OSBP2: variants seen among roughly 807,000 people sequenced by gnomAD.
OSBP2 encodes oxysterol-binding protein 2.
Under a neutral mutation model 96.0 loss-of-function variants are expected in OSBP2, and 66 were observed. The observed-to-expected ratio is 0.69, with a 90% CI of 0.56 to 0.84. OSBP2 has a LOEUF of 0.84. Among genes scored for constraint, OSBP2 ranks in the 40% least tolerant of loss-of-function variants. OSBP2 has a pLI of 0.00. For synonymous variants in OSBP2, 525 were observed against 520.9 expected, an observed-to-expected ratio of 1.01 and a Z score of -0.11; for missense variants, 1,038 against 1,222.7, an observed-to-expected ratio of 0.85 and a Z score of 2.25.
At chr22:30,883,809 C>T (rs1315498714) in intron 3 of OSBP2, among the ~76,000 whole-genome samples, 1 of 152,156 alleles carries the variant, frequency 6.6e-6, no homozygotes, top group African/African-American at 2.4e-5. Context: ...CGCCCTTACA[C>T]CCACTGGCAC....
At chr22:30,725,713 T>C (rs1395402275) in intron 1 of OSBP2, among the ~76,000 whole-genome samples, 5 of 152,074 alleles carry the variant, frequency 3.3e-5, no homozygotes, top group Non-Finnish European at 5.9e-5. Flanking sequence ...ATATACTTGA[T>C]AATACTTGAT....
chr22:30,756,969 T>C (rs535527014), intron 2 of OSBP2, among the ~76,000 whole-genome samples: 160 of 151,936 alleles, frequency 1.1e-3, no homozygotes, highest in Middle Eastern at 3.4e-3. Flanking sequence ...AAACCCAGGG[T>C]ATCTGCTGTG....
intron 1 of OSBP2, among the ~76,000 whole-genome samples, chr22:30,725,329 G>T (rs1397653499): frequency 1.3e-5 from 2 of 151,852 alleles, no homozygotes; most frequent in Non-Finnish European, 2.9e-5. Flanking sequence ...CCAACATGGT[G>T]AAACCCTGTC....
Position 30,907,549 on chromosome 22 carries a change from A to G in OSBP2, c.*1210A>G, listed in dbSNP as rs943578832. 2.0e-5 allele frequency: 3 copies of G among 151,828 alleles called. No individual in the cohort carries two copies. The highest frequency in any genetic ancestry group is 4.4e-5 in the Non-Finnish European group (3 of 67,874). 9.4% of individuals were successfully genotyped at this position (151,828 alleles called of 1,614,324 possible). On this transcript the variant is annotated 3_prime_UTR_variant, in exon 14 of 14. Transcript: ENST00000332585. ...CAGCCCCTCAGAATCCCACACTCCA[A>G]TCCTTTCCATTTCAGTTTAGTCCTA... is the stretch of plus-strand genomic sequence containing the variant.
At chr22:30,858,121 T>G (rs1292782645) in intron 2 of OSBP2, among the ~76,000 whole-genome samples, 3 of 131,894 alleles carry the variant, frequency 2.3e-5, no homozygotes, top group Non-Finnish European at 4.7e-5. Flanking sequence ...ATTCACTTTG[T>G]TTTTTTTTTG....
intron 2 of OSBP2, among the ~76,000 whole-genome samples, chr22:30,790,423 G>A (rs2090657562): frequency 1.3e-5 from 2 of 152,090 alleles, no homozygotes; most frequent in South Asian, 4.2e-4. Context: ...ATTTGGAGGG[G>A]CATGGGAAAG....
chr22:30,754,394 C>G (rs1271695431), intron 2 of OSBP2, among the ~76,000 whole-genome samples: 1 of 152,176 alleles, frequency 6.6e-6, no homozygotes, highest in Non-Finnish European at 1.5e-5. Context: ...CCTTGTGTGT[C>G]CTGGGGGCTG....
intron 2 of OSBP2, among the ~76,000 whole-genome samples, chr22:30,848,004 G>T (rs2038905527): frequency 6.6e-6 from 1 of 152,052 alleles, no homozygotes; most frequent in Non-Finnish European, 1.5e-5. Context: ...CCTATGAAAA[G>T]TAAATAGAAT....
chr22:30,734,395 T>C (rs1031928314), intron 1 of OSBP2, among the ~76,000 whole-genome samples: 4 of 152,074 alleles, frequency 2.6e-5, no homozygotes, highest in Admixed American at 2.6e-4. Flanking sequence ...CACACCTCCA[T>C]AGCCTCTTGC....
At chr22:30,803,930 G>T (rs1160208332) in intron 2 of OSBP2, among the ~76,000 whole-genome samples, 2 of 152,194 alleles carry the variant, frequency 1.3e-5, no homozygotes, top group African/African-American at 4.8e-5. Flanking sequence ...AAGCAGTTCA[G>T]GGTCACGCTG....
At chr22:30,818,347 G>C (rs2091105181) in intron 2 of OSBP2, among the ~76,000 whole-genome samples, 1 of 151,978 alleles carries the variant, frequency 6.6e-6, no homozygotes, top group African/African-American at 2.4e-5. Context: ...ACAGCTCCCT[G>C]ATATTCCATG....
At chr22:30,728,861 C>T (rs942553560) in intron 1 of OSBP2, among the ~76,000 whole-genome samples, 2 of 152,146 alleles carry the variant, frequency 1.3e-5, no homozygotes, top group Non-Finnish European at 2.9e-5. Context: ...TTTGGATGAA[C>T]CACAAAATGG....
chr22:30,861,930 C>T (rs994404204), intron 2 of OSBP2, among the ~76,000 whole-genome samples: 5 of 152,152 alleles, frequency 3.3e-5, no homozygotes, highest in South Asian at 2.1e-4. Context: ...CTCCCTGGAG[C>T]GGCATCTTCC....
chr22:30,726,070 C>T (rs142009333), intron 1 of OSBP2, among the ~76,000 whole-genome samples: 2 of 152,200 alleles, frequency 1.3e-5, no homozygotes, highest in East Asian at 1.9e-4. Context: ...ATGAGCCCCC[C>T]GGCCAAAACA....
At chr22:30,854,240 C>T (rs1189774845) in intron 2 of OSBP2, among the ~76,000 whole-genome samples, 1 of 151,654 alleles carries the variant, frequency 6.6e-6, no homozygotes, top group Non-Finnish European at 1.5e-5. Context: ...TCCTGTTTTA[C>T]ACATGATGGA....
chr22:30,857,703 A>G (rs1285979794), intron 2 of OSBP2, among the ~76,000 whole-genome samples: 1 of 152,210 alleles, frequency 6.6e-6, no homozygotes, highest in East Asian at 1.9e-4. Context: ...GAAGGTTAAG[A>G]TGTTACGTAA....
chr22:30,888,136 G>C (rs2039857955), intron 4 of OSBP2, 87 bp from the exon 5 acceptor site: 1 of 880,356 alleles, frequency 1.1e-6, no homozygotes, highest in African/African-American at 1.6e-5. Context: ...CCAGATGGGG[G>C]TTGGGGGAGC....
intron 1 of OSBP2, among the ~76,000 whole-genome samples, chr22:30,711,739 CAAAA>C (rs34152986): frequency 8.7e-5 from 8 of 91,822 alleles, no homozygotes; most frequent in African/African-American, 4.9e-5. Context: ...GACCCTATCT[CAAAA>C]AAAAAAAAAA....
chr22:30,826,976 C>A (rs528217650), intron 2 of OSBP2, among the ~76,000 whole-genome samples: 12 of 152,250 alleles, frequency 7.9e-5, no homozygotes, highest in Non-Finnish European at 1.6e-4. Flanking sequence ...CTTAGGTGAA[C>A]CTGGAGTGGG....
Sources: gnomAD v4.1 joint callset for allele counts (sites outside exome capture counted in the v4.1 genomes callset) on GRCh38, gnomAD v4.1.1 for gene constraint, MANE v1.5 for transcripts, NCBI Gene and HGNC (gene_info 2026-07-23, HGNC 2026-07-21) for gene names.